DIAPH2: variants seen among roughly 807,000 people sequenced by gnomAD.
The protein encoded by DIAPH2 is protein diaphanous homolog 2.
A neutral mutation model predicts 92.7 loss-of-function variants in DIAPH2; 35 were observed. That is an observed-to-expected ratio of 0.38 (90% CI 0.29 to 0.50). The LOEUF (loss-of-function observed/expected upper bound fraction) is 0.50. DIAPH2 is among the 20% of genes least tolerant of loss of function. The probability of loss-of-function intolerance (pLI) is 0.94; values close to 1 mark genes in which losing one functional copy is unlikely to be tolerated. For synonymous variants in DIAPH2, 301 were observed against 280.4 expected, an observed-to-expected ratio of 1.07 and a Z score of -0.73; for missense variants, 701 against 819.5, an observed-to-expected ratio of 0.86 and a Z score of 1.77.
chrX:96,739,123 G>A (rs2064104715), intron 3 of DIAPH2, among the ~76,000 whole-genome samples: 1 of 111,225 alleles, frequency 9.0e-6, no homozygotes. Context: ...AACATCACAA[G>A]GTCTCTTGTT....
chrX:97,491,432 A>G (rs1441339546), intron 26 of DIAPH2, among the ~76,000 whole-genome samples: 2 of 110,551 alleles, frequency 1.8e-5, no homozygotes, highest in African/African-American at 6.6e-5. Context: ...TTTTTTTGAG[A>G]CAGAGTCTTG....
intron 5 of DIAPH2, chrX:96,884,854 G>T (rs1242879250): frequency 1.7e-6 from 2 of 1,211,260 alleles, no homozygotes; most frequent in Non-Finnish European, 2.2e-6. Context: ...AAGTGTGCCT[G>T]TGTCTCCATC....
intron 24 of DIAPH2, among the ~76,000 whole-genome samples, chrX:97,358,174 G>C (rs1326964158): frequency 1.8e-5 from 2 of 111,950 alleles, no homozygotes; most frequent in Admixed American, 9.5e-5. Flanking sequence ...CAGTTGTCCT[G>C]AGCAATAGGA....
intron 4 of DIAPH2, among the ~76,000 whole-genome samples, chrX:96,793,256 G>A (rs1454881956): frequency 1.8e-5 from 2 of 112,344 alleles, no homozygotes; most frequent in African/African-American, 3.2e-5. Flanking sequence ...TGTCTCCCGG[G>A]TTCAAGCGAT....
In DIAPH2 at chrX:96,963,315, A is replaced by C. The variant is rs147671832; in HGVS notation, c.1936-1778A>C. ...TGCAGTCATCTGGGTGGATGTGGGG[A>C]GATTTCAGTGGGCTCCAAGGATGTG... On this transcript the variant is annotated intron_variant, in intron 16 of 26. Transcript: ENST00000324765. Among the ~76,000 whole-genome samples the C allele has an allele frequency of 6.6e-3, 728 of 109,998 alleles. 7 individuals carry two copies. The highest frequency in any genetic ancestry group is 0.023 in the African/African-American group (704 of 30,143).
chrX:97,316,649 C>G (rs1293527923), intron 23 of DIAPH2, among the ~76,000 whole-genome samples: 1 of 111,532 alleles, frequency 9.0e-6, no homozygotes, highest in East Asian at 2.8e-4. Flanking sequence ...GAGGGAGACT[C>G]CGTCTCAAGA....
intron 2 of DIAPH2, among the ~76,000 whole-genome samples, chrX:96,737,124 G>A (rs1195869255): frequency 8.9e-6 from 1 of 111,740 alleles, no homozygotes; most frequent in Non-Finnish European, 1.9e-5. Flanking sequence ...GGAACCAGGG[G>A]CTGTTGGATT....
At chrX:97,588,434 C>T (rs897459090) in intron 26 of DIAPH2, among the ~76,000 whole-genome samples, 4 of 110,520 alleles carry the variant, frequency 3.6e-5, no homozygotes, top group Non-Finnish European at 7.6e-5. Flanking sequence ...TACTAAACAT[C>T]GGTCAGTACC....
chrX:97,228,694 C>A (rs749396537), intron 22 of DIAPH2, among the ~76,000 whole-genome samples: 2 of 111,321 alleles, frequency 1.8e-5, no homozygotes, highest in Non-Finnish European at 3.8e-5. Context: ...AAATTAGAAT[C>A]CCTGTACCTC....
chrX:97,143,458 A>G (rs1403637244), intron 22 of DIAPH2, among the ~76,000 whole-genome samples: 1 of 110,230 alleles, frequency 9.1e-6, no homozygotes, highest in African/African-American at 3.3e-5. Context: ...TAATATATCT[A>G]TATATACACA....
intron 12 of DIAPH2, 144 bp downstream of exon 12, chrX:96,939,526 ATATGTATATATATATGTATG>A (rs2065682941): frequency 1.4e-5 from 1 of 70,713 alleles, no homozygotes; most frequent in African/African-American, 5.2e-5. Context: ...GTATATATAT[ATATGTATATATATATGTATG>A]TATATATGTA....
chrX:96,703,047 C>G (rs753084039), intron 1 of DIAPH2, among the ~76,000 whole-genome samples: 6 of 111,709 alleles, frequency 5.4e-5, no homozygotes, highest in Non-Finnish European at 1.1e-4. Flanking sequence ...CGCATAACTG[C>G]AAGAGAGCTA....
chrX:96,831,037 C>G (rs1209975973), intron 4 of DIAPH2, among the ~76,000 whole-genome samples: 1 of 111,821 alleles, frequency 8.9e-6, no homozygotes, highest in Non-Finnish European at 1.9e-5. Context: ...GTTACTCTTC[C>G]CCTGGCTTAG....
At chrX:97,568,023 G>A (rs1180431811) in intron 26 of DIAPH2, among the ~76,000 whole-genome samples, 1 of 102,023 alleles carries the variant, frequency 9.8e-6, no homozygotes, top group African/African-American at 3.6e-5. Context: ...GGCTGAGGCA[G>A]GAGAATCGCT....
chrX:97,238,939 C>T (rs1218715382), intron 22 of DIAPH2, among the ~76,000 whole-genome samples: 1 of 111,536 alleles, frequency 9.0e-6, no homozygotes, highest in Non-Finnish European at 1.9e-5. Context: ...TTACAGGGTA[C>T]TTATATAATC....
intron 21 of DIAPH2, among the ~76,000 whole-genome samples, chrX:97,118,555 T>C (rs1217056052): frequency 1.8e-5 from 2 of 111,706 alleles, no homozygotes; most frequent in African/African-American, 6.5e-5. Context: ...GATCTATTCA[T>C]CAGAGGCCTA....
At chrX:96,708,644 A>G (rs1000497055) in intron 1 of DIAPH2, among the ~76,000 whole-genome samples, 3 of 112,283 alleles carry the variant, frequency 2.7e-5, no homozygotes, top group Admixed American at 1.9e-4. Context: ...AAGTTATGCA[A>G]TTATTTTTGA....
At chrX:97,300,027 A>T (rs2068680643) in intron 23 of DIAPH2, among the ~76,000 whole-genome samples, 1 of 112,217 alleles carries the variant, frequency 8.9e-6, no homozygotes, top group Non-Finnish European at 1.9e-5. Context: ...TATAACAAGA[A>T]AGCATGATTA....
intron 22 of DIAPH2, among the ~76,000 whole-genome samples, chrX:97,214,909 T>G (rs1166842795): frequency 2.7e-5 from 3 of 109,891 alleles, no homozygotes; most frequent in Non-Finnish European, 5.7e-5. Context: ...TGATTTTCTG[T>G]TTTCCTTGAG....
Sources: gnomAD v4.1 joint callset for allele counts (sites outside exome capture counted in the v4.1 genomes callset) on GRCh38, gnomAD v4.1.1 for gene constraint, MANE v1.5 for transcripts, NCBI Gene and HGNC (gene_info 2026-07-23, HGNC 2026-07-21) for gene names.